NAV2: variants seen among roughly 807,000 people sequenced by gnomAD.
NAV2 encodes the protein helicase, APC down-regulated 1.
NAV2 carries 54 observed loss-of-function variants against 223.2 expected under a neutral mutation model. The ratio of observed to expected loss-of-function variants is 0.24; its 90% CI spans 0.19 to 0.30. The LOEUF (loss-of-function observed/expected upper bound fraction) is 0.30. Among genes scored for constraint, NAV2 ranks in the 10% least tolerant of loss-of-function variants. The pLI, the probability that NAV2 is intolerant of heterozygous loss-of-function variation, is 1.00. For missense variants in NAV2, 2,806 were observed against 3,147.5 expected (o/e 0.89, Z 2.60); for synonymous variants, 1,279 against 1,239.3 (o/e 1.03, Z -0.67).
At chr11:19,392,164 T>C (rs1026033861) in intron 1 of NAV2, among the ~76,000 whole-genome samples, 5 of 152,190 alleles carry the variant, frequency 3.3e-5, no homozygotes, top group African/African-American at 1.2e-4. Flanking sequence ...GGCATACACT[T>C]TGCCAGCTGC....
At chr11:19,843,074 T>G in intron 3 of NAV2, 151 bp downstream of exon 3, 1 of 657,308 alleles carries the variant, frequency 1.5e-6, no homozygotes, top group Non-Finnish European at 2.6e-6. Flanking sequence ...AGCTGTGTTC[T>G]GCTTTTCTGA....
At chr11:19,436,291 G>A (rs1023676308) in intron 1 of NAV2, among the ~76,000 whole-genome samples, 14 of 152,108 alleles carry the variant, frequency 9.2e-5, no homozygotes, top group Non-Finnish European at 1.9e-4. Context: ...TATTCTGCAT[G>A]TAGATGTCCA....
intron 26 of NAV2, among the ~76,000 whole-genome samples, chr11:20,083,512 A>T (rs1184794073): frequency 6.6e-6 from 1 of 152,176 alleles, no homozygotes; most frequent in African/African-American, 2.4e-5. Flanking sequence ...GGACGAGATA[A>T]ATGGATATAC....
intron 1 of NAV2, among the ~76,000 whole-genome samples, chr11:19,565,445 C>T (rs1294634614): frequency 6.6e-6 from 1 of 152,222 alleles, no homozygotes; most frequent in Non-Finnish European, 1.5e-5. Context: ...GGCTTGATCA[C>T]ATTCTGAATT....
At chr11:20,092,175 A>G (rs1311738432) in intron 27 of NAV2, 31 bp from the exon 28 acceptor site, 3 of 1,601,690 alleles carry the variant, frequency 1.9e-6, no homozygotes, top group Admixed American at 3.4e-5. Flanking sequence ...ACTTCTGCCT[A>G]CTAAGGGAGC....
At chr11:20,013,715 A>G (rs987086811) in intron 11 of NAV2, among the ~76,000 whole-genome samples, 3 of 152,210 alleles carry the variant, frequency 2.0e-5, no homozygotes, top group Non-Finnish European at 4.4e-5. Flanking sequence ...AGTCTGCAGT[A>G]AATTCAAGGT....
chr11:19,878,678 T>G (rs1339020373), intron 4 of NAV2, among the ~76,000 whole-genome samples: 1 of 152,168 alleles, frequency 6.6e-6, no homozygotes, highest in Non-Finnish European at 1.5e-5. Flanking sequence ...GGGAAATAAT[T>G]CAGCCTGACC....
intron 1 of NAV2, among the ~76,000 whole-genome samples, chr11:19,751,065 A>G (rs1470134987): frequency 6.6e-6 from 1 of 152,182 alleles, no homozygotes; most frequent in Non-Finnish European, 1.5e-5. Flanking sequence ...GTTGCTAGCT[A>G]AAAATAGACT....
intron 1 of NAV2, among the ~76,000 whole-genome samples, chr11:19,725,979 T>A (rs1442948390): frequency 1.3e-5 from 2 of 152,192 alleles, no homozygotes; most frequent in Non-Finnish European, 2.9e-5. Flanking sequence ...CTTGGTGCAT[T>A]CCCCAGGTCT....
chr11:19,759,999 A>G lies in NAV2; in HGVS notation c.267+46037A>G, dbSNP rs77398289. 5.5e-3 allele frequency: 842 copies of G among 154,260 alleles called. 8 individuals are homozygous for G. The highest frequency in any genetic ancestry group is 9.9e-3 in the Non-Finnish European group (678 of 68,184). The allele number at this position is 154,260 out of a possible 1,614,324, so 9.6% of individuals were successfully genotyped here. On this transcript the variant is annotated intron_variant, in intron 1 of 37. Transcript: ENST00000349880. Reference sequence around the variant, plus strand: ...AAAGCTGATTTTTTTCTTTTTGTAAATTTCCAAATACATAGGTGTTATCCT... The same window carrying G: ...AAAGCTGATTTTTTTCTTTTTGTAAGTTTCCAAATACATAGGTGTTATCCT...
chr11:19,762,759 G>A (rs548922875), intron 1 of NAV2, among the ~76,000 whole-genome samples: 39 of 151,686 alleles, frequency 2.6e-4, no homozygotes, highest in Non-Finnish European at 4.7e-4. Flanking sequence ...GATTACAGGC[G>A]CACACCAACA....
At position 19,713,247 on chromosome 11, in the gene NAV2, AC is replaced by A. The variant is rs369899153; in HGVS notation, c.-446del. The stretch of plus-strand genomic sequence containing the variant: ...CTCGCTCTTTCTCTCGCCGGCTCAG[AC>A]CCGTAGCCTCCGGAACGGGACTCGT... On this transcript the variant is annotated 5_prime_UTR_variant, in exon 1 of 38. Transcript: ENST00000349880. This position sits in a 1 kb window ranked among gnomAD's most constrained non-coding sequence, Gnocchi z 7.2. 7.6e-6 allele frequency: 7 copies of A among 918,608 alleles called. No individual in the cohort carries two copies. In the South Asian group the frequency reaches 1.5e-4, roughly 20 times the overall value. The allele number at this position is 918,608 out of a possible 1,614,324, so 56.9% of individuals were successfully genotyped here. A position where few individuals can be genotyped will look rare whatever the true frequency, so the allele number is the denominator to read the frequency against.
chr11:20,092,381 C>G lies in NAV2; in HGVS notation c.5815+13C>G. On this transcript the variant is annotated intron_variant, in intron 28 of 37. Coordinates refer to ENST00000349880, the MANE Select transcript of NAV2 (RefSeq NM_145117.5). ...TCAACCAGCCTGGGTGAGTGGCCTACAGGGTTTGGGGGCAGGAATGGACCT... is the reference window on the plus strand; with the variant it reads ...TCAACCAGCCTGGGTGAGTGGCCTAGAGGGTTTGGGGGCAGGAATGGACCT... 3 of 1,605,796 alleles carry G rather than the reference C, an allele frequency of 1.9e-6. No individual in the cohort carries two copies. The highest frequency in any genetic ancestry group is 2.6e-6 in the Non-Finnish European group (3 of 1,173,668).
intron 11 of NAV2, among the ~76,000 whole-genome samples, chr11:20,031,410 A>G (rs1476554103): frequency 6.6e-6 from 1 of 152,212 alleles, no homozygotes; most frequent in African/African-American, 2.4e-5. Context: ...TGAATTCTGC[A>G]TGCTTTCCAC....
At chr11:19,935,672 T>A (rs192110444) in intron 7 of NAV2, among the ~76,000 whole-genome samples, 3 of 151,926 alleles carry the variant, frequency 2.0e-5, no homozygotes, top group Admixed American at 1.3e-4. Flanking sequence ...ATTGCACTCC[T>A]TCCTTTTGTT....
chr11:19,731,781 A>G (rs952753182), intron 1 of NAV2, among the ~76,000 whole-genome samples: 5 of 152,290 alleles, frequency 3.3e-5, no homozygotes, highest in African/African-American at 1.2e-4. Context: ...TGCTTTAGGG[A>G]CCAATGTGAG....
chr11:19,793,359 T>G (rs1194087142), intron 1 of NAV2, among the ~76,000 whole-genome samples: 1 of 152,200 alleles, frequency 6.6e-6, no homozygotes, highest in African/African-American at 2.4e-5. Flanking sequence ...TTAGAGCCAT[T>G]GGATATGTGT....
intron 1 of NAV2, among the ~76,000 whole-genome samples, chr11:19,523,145 C>A (rs1384484601): frequency 6.6e-6 from 1 of 152,222 alleles, no homozygotes; most frequent in African/African-American, 2.4e-5. Context: ...GACTTCAAAG[C>A]TGAAGCTTGT....
At chr11:19,689,297 C>T (rs1565169821) in intron 1 of NAV2, among the ~76,000 whole-genome samples, 1 of 152,168 alleles carries the variant, frequency 6.6e-6, no homozygotes, top group Non-Finnish European at 1.5e-5. Context: ...GCATGCCAAA[C>T]CCAAAATAAT....
Sources: allele counts gnomAD v4.1 joint callset (sites outside exome capture counted in the v4.1 genomes callset), GRCh38; gene constraint gnomAD v4.1.1; non-coding constraint Gnocchi (gnomAD v3.1); transcripts MANE v1.5; gene names NCBI Gene and HGNC (gene_info 2026-07-23, HGNC 2026-07-21).